XRN1: variants seen among roughly 807,000 people sequenced by gnomAD.
The protein encoded by XRN1 is 5'-3' exoribonuclease 1.
A neutral mutation model predicts 222.3 loss-of-function variants in XRN1; 67 were observed. That is an observed-to-expected ratio of 0.30 (90% CI 0.25 to 0.37). The LOEUF is 0.37. XRN1 is among the 10% of genes least tolerant of loss of function. The probability of loss-of-function intolerance (pLI) is 1.00; values close to 1 mark genes in which losing one functional copy is unlikely to be tolerated. For synonymous variants in XRN1, 643 were observed against 652.4 expected (o/e 0.99, Z 0.22); for missense variants, 1,707 against 2,000.2 (o/e 0.85, Z 2.80).
At chr3:142,384,249 G>A (rs2067410609) in intron 21 of XRN1, among the ~76,000 whole-genome samples, 1 of 144,288 alleles carries the variant, frequency 6.9e-6, no homozygotes, top group Non-Finnish European at 1.5e-5. Flanking sequence ...TCCAGCCCGG[G>A]CAACAGAGCG....
intron 33 of XRN1, among the ~76,000 whole-genome samples, chr3:142,338,612 C>T (rs772132586): frequency 5.3e-5 from 8 of 152,138 alleles, no homozygotes; most frequent in Non-Finnish European, 1.2e-4. Context: ...ATCTTAGGTA[C>T]CAGCTCTGCC....
intron 32 of XRN1, among the ~76,000 whole-genome samples, chr3:142,349,828 A>C: frequency 6.6e-6 from 1 of 152,194 alleles, no homozygotes; most frequent in Non-Finnish European, 1.5e-5. Context: ...GAGAGTGTTC[A>C]GCTGAAATAA....
chr3:142,321,061 A>C (rs964064650), intron 37 of XRN1, among the ~76,000 whole-genome samples: 1 of 149,916 alleles, frequency 6.7e-6, no homozygotes, highest in African/African-American at 2.5e-5. Flanking sequence ...TAAAATGTGA[A>C]TATCCAGTTA....
chr3:142,360,323 T>C (rs755276874), intron 29 of XRN1, among the ~76,000 whole-genome samples: 18 of 152,196 alleles, frequency 1.2e-4, no homozygotes, highest in Admixed American at 2.0e-4. Context: ...TCTTTCAACA[T>C]TATATTTGTG....
At chr3:142,359,247 T>TTG (rs1224364199) in intron 30 of XRN1, among the ~76,000 whole-genome samples, 2 of 152,264 alleles carry the variant, frequency 1.3e-5, no homozygotes, top group South Asian at 4.2e-4. Context: ...CCAGTTAACT[T>TTG]TCTCCTTTCC....
intron 20 of XRN1, among the ~76,000 whole-genome samples, chr3:142,389,307 T>G (rs2107968668): frequency 6.6e-6 from 1 of 152,328 alleles, no homozygotes; most frequent in South Asian, 2.1e-4. Flanking sequence ...CCACTTCTAA[T>G]TCTAGCTTTT....
intron 24 of XRN1, 30 bp from the exon 25 acceptor site, chr3:142,375,974 G>GCACACACACACACACACACA: frequency 2.1e-6 from 3 of 1,447,366 alleles, no homozygotes; most frequent in Middle Eastern, 1.9e-4. Context: ...GCGCACACGT[G>GCACACACACACACACACACA]CACACACACA....
intron 1 of XRN1, among the ~76,000 whole-genome samples, chr3:142,440,833 T>A (rs776170171): frequency 6.6e-6 from 1 of 152,200 alleles, no homozygotes; most frequent in Non-Finnish European, 1.5e-5. Context: ...TCTCAATTCT[T>A]GTTTGCCTTT....
At chr3:142,399,566 A>AC (rs2068050741) in intron 19 of XRN1, among the ~76,000 whole-genome samples, 1 of 152,120 alleles carries the variant, frequency 6.6e-6, no homozygotes, top group African/African-American at 2.4e-5. Context: ...CACCAAAAGC[A>AC]TAAAAAAATT....
In XRN1 at chr3:142,308,898, G is replaced by A. The variant is rs2065022026; in HGVS notation, c.*2613C>T. On this transcript the variant is annotated 3_prime_UTR_variant, in exon 41 of 41. Coordinates refer to ENST00000392981, the MANE Select transcript of XRN1 (RefSeq NM_001282857.2). ...TGAATGAGCATATTTTTAAACTTTG[G>A]GGGTGGTCTTAGTCCACCCCATCTC... 6.6e-6 allele frequency: 1 copy of A among 152,074 alleles called. No individual in the cohort carries two copies. The allele number at this position is 152,074 out of a possible 1,614,324, so 9.4% of individuals were successfully genotyped here.
chr3:142,387,703 G>A (rs150357508), intron 20 of XRN1, among the ~76,000 whole-genome samples: 194 of 152,244 alleles, frequency 1.3e-3, no homozygotes, highest in African/African-American at 4.5e-3. Flanking sequence ...CAAGTCTCAC[G>A]TTGAAATCCA....
At chr3:142,426,703 A>G (rs1484919509) in intron 3 of XRN1, 41 bp downstream of exon 3, 1 of 1,560,196 alleles carries the variant, frequency 6.4e-7, no homozygotes, top group Non-Finnish European at 8.7e-7. Flanking sequence ...TTTTCAATTT[A>G]TATTTCAATT....
At chr3:142,342,934 A>C (rs2066037579) in intron 33 of XRN1, among the ~76,000 whole-genome samples, 1 of 152,190 alleles carries the variant, frequency 6.6e-6, no homozygotes, top group Admixed American at 6.5e-5. Flanking sequence ...GATCACATCA[A>C]GTTAAAAAAC....
intron 13 of XRN1, among the ~76,000 whole-genome samples, chr3:142,416,617 G>T (rs1577398185): frequency 6.6e-6 from 1 of 152,300 alleles, no homozygotes; most frequent in East Asian, 1.9e-4. Context: ...GACTAACTTT[G>T]ATAGAGAACA....
chr3:142,372,910 A>G (rs539768074), intron 25 of XRN1, among the ~76,000 whole-genome samples: 45 of 152,358 alleles, frequency 3.0e-4, no homozygotes, highest in African/African-American at 1.0e-3. Context: ...GGTCCTCTGT[A>G]GAAACAGGAA....
chr3:142,318,427 A>G (rs2065263296), intron 39 of XRN1, among the ~76,000 whole-genome samples, 165 bp downstream of exon 39: 1 of 152,234 alleles, frequency 6.6e-6, no homozygotes, highest in African/African-American at 2.4e-5. Flanking sequence ...TAGAGGCTGT[A>G]GGAAGAGAAT....
chr3:142,335,091 T>G (rs548891157), intron 34 of XRN1, among the ~76,000 whole-genome samples: 94 of 152,078 alleles, frequency 6.2e-4, no homozygotes, highest in Non-Finnish European at 1.2e-3. Context: ...TCCGCCCACC[T>G]TGGCCTCCCA....
chr3:142,440,536 G>T (rs1276729102), intron 1 of XRN1, among the ~76,000 whole-genome samples: 1 of 151,954 alleles, frequency 6.6e-6, no homozygotes, highest in Non-Finnish European at 1.5e-5. Context: ...TACCCCCTTA[G>T]ACCCGAGGCC....
rs9809048 is a variant in XRN1 at position 142,397,110 on chromosome 3, T to C, written c.2339+219A>G. ...TATTACATTAATTTGTCATTTTTTTTCTATACTTCATTAGGTATTTTAGTG... is the reference window on the plus strand; with the variant it reads ...TATTACATTAATTTGTCATTTTTTTCCTATACTTCATTAGGTATTTTAGTG... On this transcript the variant is annotated intron_variant, in intron 20 of 40. Transcript: ENST00000392981. Among the ~76,000 whole-genome samples the C allele has an allele frequency of 6.1e-3, 925 of 152,242 alleles. 8 individuals carry two copies. Among genetic ancestry groups the C allele is most frequent in the African/African-American group, 0.021 (852 of 41,546 alleles).
Sources: gnomAD v4.1 joint callset for allele counts (sites outside exome capture counted in the v4.1 genomes callset) on GRCh38, gnomAD v4.1.1 for gene constraint, MANE v1.5 for transcripts, NCBI Gene and HGNC (gene_info 2026-07-23, HGNC 2026-07-21) for gene names.